Variants in GPR158 observed in about 807,000 individuals in gnomAD.
GPR158 encodes G protein-coupled receptor 158, also known as metabotropic glycine receptor.
GPR158 carries 30 observed loss-of-function variants against 78.2 expected under a neutral mutation model. The observed-to-expected ratio is 0.38, with a 90% confidence interval of 0.29 to 0.52. GPR158 has a LOEUF of 0.52. GPR158 is among the 20% of genes least tolerant of loss of function. The probability of loss-of-function intolerance (pLI) is 0.83; values close to 1 mark genes in which losing one functional copy is unlikely to be tolerated. For missense variants in GPR158, 1,463 were observed against 1,523.5 expected (o/e 0.96, Z 0.66); for synonymous variants, 581 against 591.1 (o/e 0.98, Z 0.25).
chr10:25,564,918 A>T (rs1836908799), intron 6 of GPR158, among the ~76,000 whole-genome samples: 1 of 152,080 alleles, frequency 6.6e-6, no homozygotes, highest in South Asian at 2.1e-4. Flanking sequence ...CATTTTTGAG[A>T]TTGTATTTAA....
intron 2 of GPR158, among the ~76,000 whole-genome samples, chr10:25,291,451 A>G (rs959292839): frequency 1.3e-5 from 2 of 151,970 alleles, no homozygotes; most frequent in Non-Finnish European, 2.9e-5. Context: ...TTTGTTTTTC[A>G]TCATAAAGAG....
At chr10:25,272,000 G>T (rs1854124277) in intron 2 of GPR158, among the ~76,000 whole-genome samples, 1 of 152,026 alleles carries the variant, frequency 6.6e-6, no homozygotes, top group Admixed American at 6.6e-5. Context: ...CCTTTGATTG[G>T]TTCTTTGGTA....
At chr10:25,259,225 G>T (rs1336862015) in intron 2 of GPR158, among the ~76,000 whole-genome samples, 2 of 152,158 alleles carry the variant, frequency 1.3e-5, no homozygotes, top group Non-Finnish European at 2.9e-5. Flanking sequence ...CATAAAAGCA[G>T]CCAAGGACAA....
At chr10:25,476,919 G>A (rs1427340602) in intron 5 of GPR158, among the ~76,000 whole-genome samples, 5 of 152,046 alleles carry the variant, frequency 3.3e-5, no homozygotes, top group South Asian at 2.1e-4. Context: ...GTAAGTTCCC[G>A]AGGAGCTTGG....
intron 2 of GPR158, among the ~76,000 whole-genome samples, chr10:25,241,932 A>G (rs1368209976): frequency 6.6e-6 from 1 of 152,196 alleles, no homozygotes; most frequent in Non-Finnish European, 1.5e-5. Context: ...AGGCATTTTA[A>G]AAAGTCTCTT....
intron 7 of GPR158, among the ~76,000 whole-genome samples, chr10:25,579,593 G>T (rs1837159369): frequency 6.6e-6 from 1 of 152,172 alleles, no homozygotes; most frequent in South Asian, 2.1e-4. Context: ...GCTAGAACAA[G>T]TGGGCAGATT....
chr10:25,304,281 A>T (rs1854636744), intron 2 of GPR158, among the ~76,000 whole-genome samples: 1 of 152,118 alleles, frequency 6.6e-6, no homozygotes, highest in Non-Finnish European at 1.5e-5. Context: ...ATTTGCATGG[A>T]TATCTAAACT....
At chr10:25,357,290 A>G (rs893317351) in intron 2 of GPR158, among the ~76,000 whole-genome samples, 6 of 152,084 alleles carry the variant, frequency 3.9e-5, no homozygotes, top group Non-Finnish European at 8.8e-5. Context: ...AAGAAAATCC[A>G]TTTTCTGAGG....
At chr10:25,544,254 C>T (rs1219838408) in intron 5 of GPR158, among the ~76,000 whole-genome samples, 2 of 151,742 alleles carry the variant, frequency 1.3e-5, no homozygotes, top group African/African-American at 4.8e-5. Flanking sequence ...CTATCACTGG[C>T]CCCTAGTATC....
chr10:25,399,903 A>G (rs571472545), intron 3 of GPR158, among the ~76,000 whole-genome samples: 2 of 152,328 alleles, frequency 1.3e-5, no homozygotes, highest in African/African-American at 4.8e-5. Context: ...CTGTGAGATA[A>G]GGAATGACCA....
At chr10:25,379,722 C>T (rs1222974579) in intron 2 of GPR158, among the ~76,000 whole-genome samples, 1 of 128,804 alleles carries the variant, frequency 7.8e-6, no homozygotes, top group African/African-American at 2.9e-5. Context: ...TAGCCCCAAA[C>T]TTGATTTTTT....
rs199861406 is a variant in GPR158, at chr10:25,532,010, CTTCACAG to C, written c.1405-18965_1405-18959del. Among the ~76,000 whole-genome samples the C allele has an allele frequency of 3.6e-3, 545 of 152,270 alleles. 1 individual carries two copies. Among genetic ancestry groups the C allele is most frequent in the African/African-American group, 0.011 (469 of 41,556 alleles). ...GAGATCATACCGGAAATGGTGACTT[CTTCACAG>C]AGGGAGACATAGGACTATCAGGACA... is the stretch of plus-strand genomic sequence containing the variant. On this transcript the variant is annotated intron_variant, in intron 5 of 10. Coordinates refer to ENST00000376351, the MANE Select transcript of GPR158 (RefSeq NM_020752.3).
At chr10:25,577,097 C>CATT (rs1349483074) in intron 7 of GPR158, among the ~76,000 whole-genome samples, 1 of 151,942 alleles carries the variant, frequency 6.6e-6, no homozygotes, top group African/African-American at 2.4e-5. Flanking sequence ...TAAAAGTTTT[C>CATT]ATTTATTTCT....
chr10:25,335,624 A>G (rs1480758958), intron 2 of GPR158, among the ~76,000 whole-genome samples: 4 of 151,990 alleles, frequency 2.6e-5, no homozygotes, highest in African/African-American at 9.7e-5. Flanking sequence ...CTACCCAGAG[A>G]TTTGCAAAGT....
chr10:25,548,779 A>T (rs1372219368), intron 5 of GPR158, among the ~76,000 whole-genome samples: 1 of 152,190 alleles, frequency 6.6e-6, no homozygotes, highest in Non-Finnish European at 1.5e-5. Flanking sequence ...TATTTAGTTT[A>T]CTAGAATTTC....
intron 5 of GPR158, among the ~76,000 whole-genome samples, chr10:25,521,841 G>C (rs777934582): frequency 6.6e-6 from 1 of 152,150 alleles, no homozygotes; most frequent in South Asian, 2.1e-4. Context: ...ACAGATATTA[G>C]TTTATATGAA....
chr10:25,178,233 G>A (rs1852567078), intron 1 of GPR158, among the ~76,000 whole-genome samples: 1 of 152,146 alleles, frequency 6.6e-6, no homozygotes, highest in Non-Finnish European at 1.5e-5. Flanking sequence ...AGATTGCACA[G>A]CAGTAAAATA....
intron 4 of GPR158, among the ~76,000 whole-genome samples, chr10:25,446,422 T>A (rs1360630146): frequency 6.6e-6 from 1 of 152,186 alleles, no homozygotes; most frequent in Non-Finnish European, 1.5e-5. Flanking sequence ...AAAGCAGTGA[T>A]TGAAAAATAG....
At chr10:25,412,122 A>C in intron 3 of GPR158, 128 bp from the exon 4 acceptor site, 1 of 682,172 alleles carries the variant, frequency 1.5e-6, no homozygotes, top group Non-Finnish European at 2.7e-6. Flanking sequence ...CCCTAGCAAG[A>C]GGGTTGACAA....
Sources: allele counts gnomAD v4.1 joint callset (sites outside exome capture counted in the v4.1 genomes callset), GRCh38; gene constraint gnomAD v4.1.1; transcripts MANE v1.5; gene names NCBI Gene and HGNC (gene_info 2026-07-23, HGNC 2026-07-21).